The following ANO10 variants were observed in gnomAD, a reference collection of about 807,000 sequenced individuals.
The protein encoded by ANO10 is anoctamin 10.
In ANO10, 77 loss-of-function variants were observed where a neutral mutation model predicts 74.7. The ratio of observed to expected loss-of-function variants is 1.03; its 90% CI spans 0.86 to 1.25. The LOEUF (loss-of-function observed/expected upper bound fraction) is 1.25. ANO10 is among the 50% of genes most tolerant of loss of function. The pLI, the probability that ANO10 is intolerant of heterozygous loss-of-function variation, is 0.00. For synonymous variants in ANO10, 279 were observed against 284.9 expected (o/e 0.98, Z 0.21); for missense variants, 721 against 778.1 (o/e 0.93, Z 0.87).
rs55764466 is a variant in ANO10 at position 43,667,072 on chromosome 3, G to GTTTT, written c.-12+24441_-12+24444dup. Among the ~76,000 whole-genome samples the GTTTT allele has an allele frequency of 1.8e-3, 99 of 56,148 alleles. 1 individual carries two copies. Among genetic ancestry groups the GTTTT allele is most frequent in the Non-Finnish European group, 1.9e-3 (60 of 31,954 alleles). The allele number at this position is 56,148 out of a possible 152,430, so 36.8% of individuals were successfully genotyped here. On this transcript the variant is annotated intron_variant, in intron 1 of 3. Transcript: ENST00000413397. ...CCTCATGCATTAAAATACAATGCAT[G>GTTTT]TTTTTTTTTTTTTTTTTTTTTTTTT...
At chr3:43,567,793 A>G (rs1481680840) in intron 7 of ANO10, among the ~76,000 whole-genome samples, 1 of 152,116 alleles carries the variant, frequency 6.6e-6, no homozygotes, top group Non-Finnish European at 1.5e-5. Flanking sequence ...CAAACTAACC[A>G]GCTAACATCA....
intron 11 of ANO10, among the ~76,000 whole-genome samples, chr3:43,463,286 G>A (rs141016911): frequency 6.6e-6 from 1 of 152,340 alleles, no homozygotes; most frequent in Non-Finnish European, 1.5e-5. Flanking sequence ...CAAAGCCACA[G>A]GAGCAGAGCT....
intron 12 of ANO10, among the ~76,000 whole-genome samples, chr3:43,377,685 C>T (rs1224868315): frequency 6.6e-6 from 1 of 152,126 alleles, no homozygotes; most frequent in Non-Finnish European, 1.5e-5. Context: ...CAGGTTCAGG[C>T]CAGAAGAGGA....
intron 7 of ANO10, among the ~76,000 whole-genome samples, chr3:43,573,033 CT>C (rs2080815654): frequency 1.3e-5 from 2 of 151,122 alleles, no homozygotes; most frequent in East Asian, 3.9e-4. Flanking sequence ...CTAACTGTAT[CT>C]GGCATCATCA....
chr3:43,437,175 C>T (rs563113002), intron 11 of ANO10, among the ~76,000 whole-genome samples: 1 of 152,310 alleles, frequency 6.6e-6, no homozygotes, highest in South Asian at 2.1e-4. Context: ...CTTCTACCTC[C>T]CAAAGGTCCC....
intron 11 of ANO10, among the ~76,000 whole-genome samples, chr3:43,546,756 A>G (rs2079210619): frequency 6.6e-6 from 1 of 152,216 alleles, no homozygotes; most frequent in African/African-American, 2.4e-5. Flanking sequence ...AATGTGAATA[A>G]CAGAAAACAG....
At chr3:43,571,874 A>G (rs888032432) in intron 7 of ANO10, among the ~76,000 whole-genome samples, 11 of 151,944 alleles carry the variant, frequency 7.2e-5, no homozygotes, top group Non-Finnish European at 1.6e-4. Context: ...AAAAAAAAAA[A>G]AAAAGAAAAA....
intron 4 of ANO10, among the ~76,000 whole-genome samples, chr3:43,593,731 T>C (rs142530613): frequency 1.2e-3 from 185 of 152,298 alleles, no homozygotes; most frequent in Admixed American, 2.7e-3. Context: ...GCTAACATCA[T>C]AATGACAGGA....
At chr3:43,583,633 G>C (rs767917470) in intron 4 of ANO10, among the ~76,000 whole-genome samples, 15 of 152,330 alleles carry the variant, frequency 9.8e-5, no homozygotes, top group Non-Finnish European at 1.6e-4. Context: ...CTGTGGGACA[G>C]AGAGGAGCAG....
chr3:43,523,121 C>G (rs945676332), intron 11 of ANO10, among the ~76,000 whole-genome samples: 6 of 152,138 alleles, frequency 3.9e-5, no homozygotes, highest in African/African-American at 1.4e-4. Flanking sequence ...TATATTACAC[C>G]AGTCTTTCAG....
chr3:43,509,452 G>A (rs1421939695), intron 11 of ANO10, among the ~76,000 whole-genome samples: 1 of 152,168 alleles, frequency 6.6e-6, no homozygotes, highest in Non-Finnish European at 1.5e-5. Context: ...AAGTTGTTCA[G>A]CATCATTAGC....
intron 11 of ANO10, among the ~76,000 whole-genome samples, chr3:43,519,029 CA>C (rs1218280446): frequency 1.3e-5 from 2 of 152,122 alleles, no homozygotes; most frequent in Admixed American, 6.6e-5. Context: ...TTTTGCGGCT[CA>C]GGGGGCATCA....
chr3:43,489,310 T>TA (rs2076627051), intron 11 of ANO10, among the ~76,000 whole-genome samples: 1 of 151,874 alleles, frequency 6.6e-6, no homozygotes, highest in Non-Finnish European at 1.5e-5. Flanking sequence ...CCCTAAAACT[T>TA]AAAGTATAAT....
At chr3:43,534,887 A>T (rs943088007) in intron 11 of ANO10, among the ~76,000 whole-genome samples, 3 of 152,214 alleles carry the variant, frequency 2.0e-5, no homozygotes, top group Admixed American at 2.0e-4. Flanking sequence ...CCCATGAACA[A>T]GAGATGACTT....
At chr3:43,494,650 A>C (rs375397249) in intron 11 of ANO10, among the ~76,000 whole-genome samples, 8 of 152,174 alleles carry the variant, frequency 5.3e-5, no homozygotes, top group African/African-American at 1.9e-4. Flanking sequence ...ACTAGTTAAA[A>C]ATGAAGATTG....
intron 11 of ANO10, among the ~76,000 whole-genome samples, chr3:43,491,559 C>T (rs1338356118): frequency 5.9e-5 from 9 of 152,036 alleles, no homozygotes; most frequent in Admixed American, 3.9e-4. Context: ...TCAAACTGCA[C>T]ACTCCATCTC....
chr3:43,630,342 T>G (rs962146310), intron 1 of ANO10, among the ~76,000 whole-genome samples: 2 of 152,202 alleles, frequency 1.3e-5, no homozygotes, highest in South Asian at 4.1e-4. Context: ...AGCTCTGTAC[T>G]CTACATGAGA....
intron 12 of ANO10, among the ~76,000 whole-genome samples, chr3:43,410,898 G>T (rs1040931781): frequency 6.6e-6 from 1 of 151,926 alleles, no homozygotes; most frequent in African/African-American, 2.4e-5. Flanking sequence ...GATTCTAAGT[G>T]GTCTGAAGTA....
chr3:43,510,571 A>G (rs1465478729), intron 11 of ANO10, among the ~76,000 whole-genome samples: 1 of 152,090 alleles, frequency 6.6e-6, no homozygotes, highest in African/African-American at 2.4e-5. Context: ...ACAAAATATC[A>G]CCATCCAGGA....
Sources: allele counts gnomAD v4.1 joint callset (sites outside exome capture counted in the v4.1 genomes callset), GRCh38; gene constraint gnomAD v4.1.1; transcripts MANE v1.5; gene names NCBI Gene and HGNC (gene_info 2026-07-23, HGNC 2026-07-21).